The following TXNDC16 variants were observed in gnomAD, a reference collection of about 807,000 sequenced individuals.
TXNDC16 encodes the protein thioredoxin domain containing 16.
Under a neutral mutation model 85.6 loss-of-function variants are expected in TXNDC16, and 74 were observed. The observed-to-expected ratio is 0.86, with a 90% CI of 0.72 to 1.05. The LOEUF is 1.05. Ranked by LOEUF, TXNDC16 falls within the 50% of genes least tolerant of loss-of-function variation. TXNDC16 has a pLI of 0.00. For missense variants in TXNDC16, 959 were observed against 947.0 expected, an observed-to-expected ratio of 1.01 and a Z score of -0.17; for synonymous variants, 335 against 326.5, an observed-to-expected ratio of 1.03 and a Z score of -0.28.
At chr14:52,502,053 G>A (rs890885006) in intron 9 of TXNDC16, among the ~76,000 whole-genome samples, 1 of 152,154 alleles carries the variant, frequency 6.6e-6, no homozygotes, top group Non-Finnish European at 1.5e-5. Context: ...TGTGCTTCTA[G>A]GCCTCACTCT....
intron 12 of TXNDC16, among the ~76,000 whole-genome samples, chr14:52,485,256 A>G (rs1412498751): frequency 6.6e-6 from 1 of 152,252 alleles, no homozygotes; most frequent in African/African-American, 2.4e-5. Context: ...AAAACATAAA[A>G]GTTTTAAATG....
intron 17 of TXNDC16, 85 bp from the exon 18 acceptor site, chr14:52,455,547 G>A: frequency 2.0e-6 from 3 of 1,507,482 alleles, no homozygotes; most frequent in Non-Finnish European, 2.7e-6. Flanking sequence ...GTCACAGTGT[G>A]AGGCAGCAAA....
In TXNDC16 at chr14:52,470,802, A is replaced by C. The variant is rs1835710346; in HGVS notation, c.1313-122T>G. 3 of 814,602 alleles carry C rather than the reference A, an allele frequency of 3.7e-6. No homozygotes were observed. In the South Asian group the frequency reaches 6.5e-5, roughly 18 times the overall value. The allele number at this position is 814,602 out of a possible 1,614,324, so 50.5% of individuals were successfully genotyped here. A position where few individuals can be genotyped will look rare whatever the true frequency, so the allele number is the denominator to read the frequency against. ...CTCTCAGCATGAAACACTCCTGCTT[A>C]AACACTCTCTTCCCTTGATCTTTGC... On this transcript the variant is annotated intron_variant, in intron 14 of 20. Coordinates refer to ENST00000281741, the MANE Select transcript of TXNDC16 (RefSeq NM_020784.3).
At chr14:52,442,198 A>G (rs2035182086) in intron 18 of TXNDC16, among the ~76,000 whole-genome samples, 1 of 152,166 alleles carries the variant, frequency 6.6e-6, no homozygotes, top group Non-Finnish European at 1.5e-5. Flanking sequence ...AATAGCAATG[A>G]CATAGAATAA....
chr14:52,466,065 A>G (rs2035765430), intron 16 of TXNDC16, among the ~76,000 whole-genome samples: 1 of 152,168 alleles, frequency 6.6e-6, no homozygotes, highest in African/African-American at 2.4e-5. Flanking sequence ...AAATGTTGGA[A>G]AAGTGAATGA....
At chr14:52,452,596 T>C (rs992116676) in intron 18 of TXNDC16, among the ~76,000 whole-genome samples, 2 of 152,212 alleles carry the variant, frequency 1.3e-5, no homozygotes, top group Admixed American at 1.3e-4. Context: ...AATAATTTCT[T>C]CAATAAATGG....
At chr14:52,498,771 C>T (rs2036589785) in intron 9 of TXNDC16, among the ~76,000 whole-genome samples, 1 of 152,026 alleles carries the variant, frequency 6.6e-6, no homozygotes, top group Admixed American at 6.6e-5. Context: ...AGATTCAATG[C>T]AATCCCTATT....
chr14:52,465,417 C>T (rs958703397), intron 16 of TXNDC16, among the ~76,000 whole-genome samples: 17 of 151,880 alleles, frequency 1.1e-4, no homozygotes, highest in African/African-American at 3.4e-4. Context: ...ACGGTGAAAC[C>T]CCGTCTCTAC....
At chr14:52,477,581 G>A (rs1164565717) in intron 14 of TXNDC16, among the ~76,000 whole-genome samples, 4 of 152,040 alleles carry the variant, frequency 2.6e-5, no homozygotes, top group Non-Finnish European at 4.4e-5. Flanking sequence ...AAGACAAAGG[G>A]CGTCATTATA....
intron 16 of TXNDC16, among the ~76,000 whole-genome samples, chr14:52,464,203 G>A (rs2035718728): frequency 1.3e-5 from 2 of 152,136 alleles, no homozygotes; most frequent in South Asian, 2.1e-4. Context: ...TTAGGAAAAA[G>A]TTTTCTCTGT....
rs1357553872 is a variant in TXNDC16 at position 52,482,845 on chromosome 14, C to T, written c.1229G>A (p.Ser410Asn). ...TFNATVMASD[S>N]IVLFYAGWQA... ...ACAACCAGCATAGAAGAGTACTATG[C>T]TGTCAGAAGCCATCACTGTTGCATT... Residue 410 changes from serine to asparagine, a missense_variant, in exon 13 of 21, where the codon AGC (serine) becomes AAC (asparagine). By Grantham distance (46) the Ser-to-Asn change is conservative. Transcript: ENST00000281741. The T allele has an allele frequency of 1.2e-6, 2 of 1,611,506 alleles. No homozygotes were observed. Among genetic ancestry groups the T allele is most frequent in the South Asian group, 2.2e-5 (2 of 90,852 alleles).
chr14:52,540,492 G>A (rs7153953), intron 4 of TXNDC16, among the ~76,000 whole-genome samples: 16,108 of 152,044 alleles, frequency 0.11, 1,026 homozygotes, highest in East Asian at 0.18. Context: ...AGGCATGGTG[G>A]CATGCGCCTG....
chr14:52,519,283 AAAG>A lies in TXNDC16; in HGVS notation c.400_402del (p.Leu134del). 2 of 1,593,588 alleles carry A rather than the reference AAAG, an allele frequency of 1.3e-6. No individual in the cohort carries two copies. The highest frequency in any genetic ancestry group is 1.3e-5 in the African/African-American group (1 of 74,208). On this transcript the variant is annotated inframe_deletion, in exon 7 of 21. Coordinates refer to ENST00000281741, the MANE Select transcript of TXNDC16 (RefSeq NM_020784.3). ...TTGGTAATATATTTCACTTCACTAAAAAGAAGAGCACTGAAATAAATACAGATA... is the reference window on the plus strand; with the variant it reads ...TTGGTAATATATTTCACTTCACTAAAAAGAGCACTGAAATAAATACAGATA...
chr14:52,445,065 G>T (rs1262433194), intron 18 of TXNDC16, among the ~76,000 whole-genome samples: 2 of 152,136 alleles, frequency 1.3e-5, no homozygotes, highest in African/African-American at 4.8e-5. Flanking sequence ...CAGAATTTAG[G>T]TTTGGGGAAA....
At position 52,432,252 on chromosome 14, in the gene TXNDC16, T is replaced by A; in HGVS notation, c.*52A>T. 6.8e-7 allele frequency: 1 copy of A among 1,474,400 alleles called. No homozygotes were observed. The highest frequency in any genetic ancestry group is 2.3e-5 in the East Asian group (1 of 43,448). 91.3% of individuals were successfully genotyped at this position (1,474,400 alleles called of 1,614,324 possible). ...GATTTAATATTATTCTTTAAGGAAA[T>A]AAATTAAGTCTATCATGCCAAAAAA... On this transcript the variant is annotated 3_prime_UTR_variant, in exon 21 of 21. Coordinates refer to ENST00000281741, the MANE Select transcript of TXNDC16 (RefSeq NM_020784.3).
intron 12 of TXNDC16, among the ~76,000 whole-genome samples, chr14:52,484,356 T>A (rs1438350874): frequency 6.6e-6 from 1 of 152,190 alleles, no homozygotes; most frequent in Non-Finnish European, 1.5e-5. Flanking sequence ...AGACAATACA[T>A]TCATAGAACT....
intron 18 of TXNDC16, among the ~76,000 whole-genome samples, chr14:52,449,631 A>G (rs1405353358): frequency 2.0e-5 from 3 of 152,140 alleles, no homozygotes; most frequent in African/African-American, 7.2e-5. Flanking sequence ...ATCTCATTCA[A>G]TGGCTGCAGA....
intron 12 of TXNDC16, among the ~76,000 whole-genome samples, chr14:52,484,195 A>G (rs2140146166): frequency 9.4e-6 from 1 of 106,344 alleles, no homozygotes; most frequent in East Asian, 4.8e-4. Flanking sequence ...CTACAAAACA[A>G]TAAGGGGGGG....
intron 6 of TXNDC16, among the ~76,000 whole-genome samples, chr14:52,527,355 T>C (rs1055959165): frequency 2.0e-5 from 3 of 152,162 alleles, no homozygotes; most frequent in South Asian, 2.1e-4. Context: ...AGCTACAGAG[T>C]TGGTGTGTGG....
Sources: allele counts gnomAD v4.1 joint callset (sites outside exome capture counted in the v4.1 genomes callset), GRCh38; gene constraint gnomAD v4.1.1; transcripts MANE v1.5; gene names NCBI Gene and HGNC (gene_info 2026-07-23, HGNC 2026-07-21).